EFEMP1: variants seen among roughly 807,000 people sequenced by gnomAD.
EFEMP1 encodes the protein EGF-containing fibulin-like extracellular matrix protein 1.
A neutral mutation model predicts 65.7 loss-of-function variants in EFEMP1; 18 were observed. The observed-to-expected ratio is 0.27, with a 90% CI of 0.19 to 0.41. The LOEUF (loss-of-function observed/expected upper bound fraction) is 0.41, where lower values mean the gene tolerates loss of function less well. Ranked by LOEUF, EFEMP1 falls within the 10% of genes least tolerant of loss-of-function variation. The pLI, the probability that EFEMP1 is intolerant of heterozygous loss-of-function variation, is 1.00. For synonymous variants in EFEMP1, 237 were observed against 219.7 expected, an observed-to-expected ratio of 1.08 and a Z score of -0.70; for missense variants, 469 against 624.8, an observed-to-expected ratio of 0.75 and a Z score of 2.66.
intron 8 of EFEMP1, among the ~76,000 whole-genome samples, chr2:55,875,331 T>TACACACACACACAC (rs747889223): frequency 1.9e-5 from 2 of 105,882 alleles, no homozygotes; most frequent in South Asian, 2.7e-4. Context: ...CTGGGTTTCA[T>TACACACACACACAC]ATATACACAC....
chr2:55,878,184 T>A (rs774544367), intron 6 of EFEMP1, among the ~76,000 whole-genome samples: 10 of 152,138 alleles, frequency 6.6e-5, no homozygotes, highest in Non-Finnish European at 1.2e-4. Flanking sequence ...TTATATATAA[T>A]TACAGAAGTA....
chr2:55,906,664 T>A (rs1314055653), intron 5 of EFEMP1, among the ~76,000 whole-genome samples: 1 of 152,204 alleles, frequency 6.6e-6, no homozygotes, highest in Non-Finnish European at 1.5e-5. Flanking sequence ...GTTTAATTCA[T>A]AATGAATGAC....
At chr2:55,901,391 G>A (rs3791663) in intron 5 of EFEMP1, among the ~76,000 whole-genome samples, 24,619 of 152,134 alleles carry the variant, frequency 0.16, 2,478 homozygotes, top group East Asian at 0.36. Flanking sequence ...AATTGAAGGA[G>A]ATGGAATCAT....
In EFEMP1 at chr2:55,881,680, A is replaced by G. The variant is rs1021049037; in HGVS notation, c.572T>C (p.Ile191Thr). 44 of 1,613,820 alleles carry G rather than the reference A, an allele frequency of 2.7e-5. No homozygotes were observed. The highest frequency in any genetic ancestry group is 3.6e-5 in the Non-Finnish European group (42 of 1,179,910). The change falls in exon 6 of 12, where the codon ATC (isoleucine) becomes ACC (threonine). Residue 191 changes from isoleucine (I) to threonine (T), a missense_variant. Ile to Thr is a moderately conservative substitution (Grantham distance 89, BLOSUM62 -1). This residue lies in a region of EFEMP1 where 399 missense variants were observed against 528.2 expected (regional missense o/e 0.76). Coordinates refer to ENST00000355426, the MANE Select transcript of EFEMP1 (RefSeq NM_001039348.3). ...ACATGCAAAGGATCCCCGTAAATTGATGCACACTTGGTCTGCTCTACAGTT... is the reference window on the plus strand; with the variant it reads ...ACATGCAAAGGATCCCCGTAAATTGGTGCACACTTGGTCTGCTCTACAGTT... ...THNCRADQVC[I>T]NLRGSFACQC...
chr2:55,898,311 A>G (rs1309314676), intron 5 of EFEMP1, among the ~76,000 whole-genome samples: 1 of 152,226 alleles, frequency 6.6e-6, no homozygotes, highest in African/African-American at 2.4e-5. Flanking sequence ...TGTTCACCCT[A>G]CTTAGAGTCA....
chr2:55,902,737 T>C (rs1421992362), intron 5 of EFEMP1, among the ~76,000 whole-genome samples: 1 of 152,184 alleles, frequency 6.6e-6, no homozygotes, highest in Admixed American at 6.5e-5. Context: ...TGCTTCTGAG[T>C]CATTAATTCT....
Position 55,922,491 on chromosome 2 carries a change from G to T in EFEMP1, c.-7-44C>A. The T allele has an allele frequency of 6.4e-7, 1 of 1,570,682 alleles. No homozygotes were observed. The highest frequency in any genetic ancestry group is 1.1e-5 in the South Asian group (1 of 90,056). On this transcript the variant is annotated intron_variant, in intron 2 of 11. Transcript: ENST00000355426. This position sits in a 1 kb window ranked among gnomAD's most constrained non-coding sequence, Gnocchi z 5.5. ...CAAACTAATGTTTAGTATCTGCTGC[G>T]GGGAAAGTAACAAAACTTTAGCAGT...
In EFEMP1 at chr2:55,917,782, G is replaced by C. The variant is rs1335365938; in HGVS notation, c.400C>G (p.Arg134Gly). ...TTCCGCCGGATGACAAAGTTATTTC[G>C]GCCAGTCTGCATTTCAGGGCCTGCG... ...AVAGPEMQTG[R>G]NNFVIRRNPA... The change falls in exon 5 of 12, where the codon CGA becomes GGA. Residue 134 changes from arginine (R) to glycine (G), a missense_variant. Transcript: ENST00000355426. This position sits in a 1 kb window ranked among gnomAD's most constrained non-coding sequence, Gnocchi z 6.3. The C allele has an allele frequency of 1.2e-6, 2 of 1,614,172 alleles. No individual in the cohort carries two copies. The highest frequency in any genetic ancestry group is 2.2e-5 in the South Asian group (2 of 91,088).
rs1004286377 is a variant in EFEMP1, at chr2:55,873,029, T to C, written c.1001-1906A>G. On this transcript the variant is annotated intron_variant, in intron 9 of 11. Transcript: ENST00000355426. The surrounding 1 kb of genome is among the most constrained non-coding windows in gnomAD (Gnocchi z 4.6). ...AAAATATTTGATGAGTGTGTGTCTA[T>C]GTGTATGTGTATTCTTTTGTCTCTC... is the stretch of plus-strand genomic sequence containing the variant. 6.6e-6 allele frequency among the ~76,000 whole-genome samples: 1 copy of C among 150,504 alleles called. No individual in the cohort carries two copies. The highest frequency in any genetic ancestry group is 2.4e-5 in the African/African-American group (1 of 40,888).
chr2:55,902,988 A>AT (rs1253286610), intron 5 of EFEMP1, among the ~76,000 whole-genome samples: 2 of 152,310 alleles, frequency 1.3e-5, no homozygotes, highest in East Asian at 3.9e-4. Context: ...TTTGTAAATA[A>AT]TTTCAAGTAA....
rs1277686393 is a variant in EFEMP1 at position 55,870,915 on chromosome 2, G to C, written c.1125C>G (p.Asn375Lys). 2 of 1,613,554 alleles carry C rather than the reference G, an allele frequency of 1.2e-6. No homozygotes were observed. The highest frequency in any genetic ancestry group is 2.7e-5 in the African/African-American group (2 of 74,878). ...CATTTGAGACTGGGCAAACACATCG[G>C]CTGCAGAGACAAACAAAAGTATTCA... ...CQDPYILTPENRCVCPVSNAM... is the reference protein window; with the variant it reads ...CQDPYILTPEKRCVCPVSNAM... Residue 375 changes from asparagine to lysine, a missense_variant and splice_region_variant, in exon 11 of 12, where the codon AAC (asparagine) becomes AAG (lysine). By Grantham distance (94) the Asn-to-Lys change is moderately conservative. Transcript: ENST00000355426. This position sits in a 1 kb window ranked among gnomAD's most constrained non-coding sequence, Gnocchi z 5.8.
At chr2:55,906,864 A>G (rs191302433) in intron 5 of EFEMP1, among the ~76,000 whole-genome samples, 85 of 152,338 alleles carry the variant, frequency 5.6e-4, no homozygotes, top group African/African-American at 2.0e-3. Flanking sequence ...GTTGTTCAAT[A>G]TAAAATAGTG....
rs1232938048 is a variant in EFEMP1 at position 55,923,032 on chromosome 2, G to C, written c.-48-93C>G. 1 of 879,856 alleles carries C rather than the reference G, an allele frequency of 1.1e-6. No homozygotes were observed. The highest frequency in any genetic ancestry group is 1.4e-6 in the Non-Finnish European group (1 of 726,812). 54.5% of individuals were successfully genotyped at this position (879,856 alleles called of 1,614,324 possible). A position where few individuals can be genotyped will look rare whatever the true frequency, so the allele number is the denominator to read the frequency against. The stretch of plus-strand genomic sequence containing the variant: ...CTCGGAGAGCAATCTTCCAGTTCTA[G>C]TAGAATACTAGACCTTCTCACATGT... On this transcript the variant is annotated intron_variant, in intron 1 of 11. Transcript: ENST00000355426. This position sits in a 1 kb window ranked among gnomAD's most constrained non-coding sequence, Gnocchi z 5.3.
intron 5 of EFEMP1, among the ~76,000 whole-genome samples, chr2:55,900,321 C>T (rs150620064): frequency 6.6e-6 from 1 of 151,268 alleles, no homozygotes; most frequent in Non-Finnish European, 1.5e-5. Context: ...CGATCCCCCC[C>T]ACCAACTCTC....
In EFEMP1 at chr2:55,866,913, T is replaced by TAAATGCC; in HGVS notation, c.*153_*159dup. The TAAATGCC allele has an allele frequency of 1.1e-6, 1 of 904,798 alleles. No individual in the cohort carries two copies. The allele number at this position is 904,798 out of a possible 1,614,324, so 56.0% of individuals were successfully genotyped here. A position where few individuals can be genotyped will look rare whatever the true frequency, so the allele number is the denominator to read the frequency against. On this transcript the variant is annotated 3_prime_UTR_variant, in exon 12 of 12. Coordinates refer to ENST00000355426, the MANE Select transcript of EFEMP1 (RefSeq NM_001039348.3). Reference sequence around the variant, plus strand: ...AGACAAACTTTGAATCTTTACATATTAAATGCCCACTTTATACCATGGTGT... The same window carrying TAAATGCC: ...AGACAAACTTTGAATCTTTACATATTAAATGCCAAATGCCCACTTTATACCATGGTGT...
chr2:55,906,135 T>C (rs1362432882), intron 5 of EFEMP1, among the ~76,000 whole-genome samples: 5 of 152,172 alleles, frequency 3.3e-5, no homozygotes, highest in African/African-American at 1.2e-4. Flanking sequence ...AGTTTCTTTT[T>C]ACCATTAGCT....
At position 55,922,209 on chromosome 2, in the gene EFEMP1, G is replaced by A; in HGVS notation, c.81+151C>T. ...AAGGATCAAGGGGGCAATTTACAAC[G>A]AATCTTAGATATGAAGCATGAATGA... On this transcript the variant is annotated intron_variant, in intron 3 of 11. Transcript: ENST00000355426. The surrounding 1 kb of genome is among the most constrained non-coding windows in gnomAD (Gnocchi z 5.5). The A allele has an allele frequency of 1.3e-6, 1 of 760,686 alleles. No individual in the cohort carries two copies. The highest frequency in any genetic ancestry group is 2.2e-6 in the Non-Finnish European group (1 of 444,628). 47.1% of individuals were successfully genotyped at this position (760,686 alleles called of 1,614,324 possible).
rs1189049304 is a variant in EFEMP1, at chr2:55,867,352, G to A, written c.1321-118C>T. The A allele has an allele frequency of 1.6e-5, 18 of 1,127,824 alleles. No homozygotes were observed. Among genetic ancestry groups the A allele is most frequent in the Non-Finnish European group, 2.3e-5 (18 of 791,284 alleles). 69.9% of individuals were successfully genotyped at this position (1,127,824 alleles called of 1,614,324 possible). A position where few individuals can be genotyped will look rare whatever the true frequency, so the allele number is the denominator to read the frequency against. On this transcript the variant is annotated intron_variant, in intron 11 of 11. Coordinates refer to ENST00000355426, the MANE Select transcript of EFEMP1 (RefSeq NM_001039348.3). The surrounding 1 kb of genome is among the most constrained non-coding windows in gnomAD (Gnocchi z 4.3). ...GGAGAATTTTGAAGGTGGTATAAAA[G>A]AGCCACTACTTGGTCCCTTCTTGGT...
intron 5 of EFEMP1, among the ~76,000 whole-genome samples, chr2:55,909,831 A>G (rs969487332): frequency 6.6e-6 from 1 of 152,074 alleles, no homozygotes; most frequent in Non-Finnish European, 1.5e-5. Context: ...TTCTTTTATT[A>G]TTTGATAACT....
Sources: allele counts gnomAD v4.1 joint callset (sites outside exome capture counted in the v4.1 genomes callset), GRCh38; gene constraint gnomAD v4.1.1; regional missense constraint gnomAD v4.1.1; non-coding constraint Gnocchi (gnomAD v3.1); transcripts MANE v1.5; gene names NCBI Gene and HGNC (gene_info 2026-07-23, HGNC 2026-07-21).